Variants in GTF3C3 observed in about 807,000 individuals in gnomAD.
The protein encoded by GTF3C3 is general transcription factor IIIC subunit 3.
GTF3C3 carries 75 observed loss-of-function variants against 105.2 expected under a neutral mutation model. The observed-to-expected ratio is 0.71, with a 90% CI of 0.59 to 0.86. The LOEUF is 0.86. Ranked by LOEUF, GTF3C3 falls within the 40% of genes least tolerant of loss-of-function variation. GTF3C3 has a pLI of 0.00. For synonymous variants in GTF3C3, 335 were observed against 370.4 expected (o/e 0.90, Z 1.10); for missense variants, 856 against 1,076.5 (o/e 0.80, Z 2.87).
rs773405526 is a variant in GTF3C3 at position 196,793,036 on chromosome 2, C to A, written c.331G>T (p.Glu111Ter). Residue 111 changes from glutamate to a stop codon, truncating the protein, a stop_gained, in exon 3 of 18, where the codon GAA becomes TAA. Transcript: ENST00000263956. LOFTEE classifies it high-confidence loss of function. ...CCCGCAGTGGGTTGCTCAGGTGTTT[C>A]TTCCTCCTCCTCCTCCTCCTCCTCT... ...EEEEEEEEEE[E>*]TPEQPTAGDV... 3 of 1,613,344 alleles carry A rather than the reference C, an allele frequency of 1.9e-6. No individual in the cohort carries two copies. The highest frequency in any genetic ancestry group is 2.5e-6 in the Non-Finnish European group (3 of 1,179,410).
At chr2:196,789,164 A>T (rs1699503634) in intron 6 of GTF3C3, 40 bp downstream of exon 6, 1 of 1,504,864 alleles carries the variant, frequency 6.6e-7, no homozygotes, top group Non-Finnish European at 9.0e-7. Flanking sequence ...GCAAAACAAG[A>T]TTAACAGGAG....
chr2:196,780,735 T>TA (rs1699335586), intron 8 of GTF3C3, 73 bp from the exon 9 acceptor site: 1 of 1,515,054 alleles, frequency 6.6e-7, no homozygotes, highest in Non-Finnish European at 8.9e-7. Context: ...TAAGATCTCA[T>TA]TTATTTCATT....
chr2:196,768,415 TACTC>T (rs1406218369), intron 16 of GTF3C3, among the ~76,000 whole-genome samples: 2 of 152,162 alleles, frequency 1.3e-5, no homozygotes, highest in Admixed American at 1.3e-4. Context: ...GGGCCCAATG[TACTC>T]ACTGTCTATA....
rs1431294359 is a variant in GTF3C3, at chr2:196,780,290, T to TA, written c.1218+268dup. The TA allele has an allele frequency of 6.7e-6, 7 of 1,038,288 alleles. No homozygotes were observed. In the East Asian group the frequency reaches 3.3e-4, roughly 49 times the overall value. The allele number at this position is 1,038,288 out of a possible 1,614,324, so 64.3% of individuals were successfully genotyped here. A position where few individuals can be genotyped will look rare whatever the true frequency, so the allele number is the denominator to read the frequency against. On this transcript the variant is annotated intron_variant, in intron 9 of 17. Transcript: ENST00000263956. ...GCTGTCAGAATTATTACCAATTATC[T>TA]AATGACAATCTCAAATGGTCTAAAG...
chr2:196,797,336 T>C (rs952155819), intron 2 of GTF3C3, among the ~76,000 whole-genome samples: 3 of 152,228 alleles, frequency 2.0e-5, no homozygotes, highest in Non-Finnish European at 4.4e-5. Context: ...TGAGGTAGCC[T>C]ACCAAGACAC....
chr2:196,797,185 G>A (rs2125753328), intron 2 of GTF3C3, among the ~76,000 whole-genome samples: 1 of 152,310 alleles, frequency 6.6e-6, no homozygotes, highest in South Asian at 2.1e-4. Flanking sequence ...TCAGCATTCT[G>A]ATCCCTGGAA....
At chr2:196,788,110 C>A (rs1699483432) in intron 6 of GTF3C3, among the ~76,000 whole-genome samples, 3 of 152,170 alleles carry the variant, frequency 2.0e-5, no homozygotes, top group African/African-American at 7.2e-5. Context: ...CTGGGAAGAC[C>A]CTCAGTGCTC....
intron 8 of GTF3C3, among the ~76,000 whole-genome samples, chr2:196,783,303 A>C (rs1699399958): frequency 6.6e-6 from 1 of 152,012 alleles, no homozygotes; most frequent in Admixed American, 6.6e-5. Context: ...AGGGAAGTAA[A>C]ATATATTAAA....
At position 196,765,927 on chromosome 2, in the gene GTF3C3, G is replaced by A. The variant is rs551813538; in HGVS notation, c.2538+638C>T. ...CAGGAGGCTGAGGCAGGAGAATGGCGTGAACCCGGGAGGCGGAGCTTGCAG... is the reference window on the plus strand; with the variant it reads ...CAGGAGGCTGAGGCAGGAGAATGGCATGAACCCGGGAGGCGGAGCTTGCAG... On this transcript the variant is annotated intron_variant, in intron 17 of 17. Coordinates refer to ENST00000263956, the MANE Select transcript of GTF3C3 (RefSeq NM_012086.5). 1.7e-4 allele frequency among the ~76,000 whole-genome samples: 25 copies of A among 149,390 alleles called. No individual in the cohort carries two copies. The South Asian group carries it at 4.4e-3, about 26-fold the overall frequency.
At chr2:196,789,166 T>G in intron 6 of GTF3C3, 38 bp downstream of exon 6, 1 of 1,511,856 alleles carries the variant, frequency 6.6e-7, no homozygotes, top group Non-Finnish European at 9.0e-7. Context: ...AAAACAAGAT[T>G]AACAGGAGCA....
At chr2:196,777,027 A>T (rs1239758968) in intron 10 of GTF3C3, among the ~76,000 whole-genome samples, 1 of 152,242 alleles carries the variant, frequency 6.6e-6, no homozygotes, top group Admixed American at 6.5e-5. Context: ...CAGAGCACAC[A>T]ATCGGCAGAC....
At chr2:196,766,470 A>C (rs927132608) in intron 17 of GTF3C3, 95 bp downstream of exon 17, 1 of 872,666 alleles carries the variant, frequency 1.1e-6, no homozygotes, top group Non-Finnish European at 1.8e-6. Flanking sequence ...ATACATTTTA[A>C]TATACGAGCT....
rs1284594581 is a variant in GTF3C3, at chr2:196,784,958, T to C, written c.1042-29A>G. ...AAAGAATGGGAAAGAAGAAAGGAAA[T>C]AAAATATGTGTGAAAAACCATTTCA... On this transcript the variant is annotated intron_variant, in intron 7 of 17. Coordinates refer to ENST00000263956, the MANE Select transcript of GTF3C3 (RefSeq NM_012086.5). The C allele has an allele frequency of 4.9e-6, 7 of 1,432,620 alleles. No individual in the cohort carries two copies. The South Asian group carries it at 7.0e-5, about 14-fold the overall frequency. The allele number at this position is 1,432,620 out of a possible 1,614,324, so 88.7% of individuals were successfully genotyped here.
intron 14 of GTF3C3, 36 bp from the exon 15 acceptor site, chr2:196,771,974 T>C (rs766355883): frequency 7.1e-7 from 1 of 1,412,630 alleles, no homozygotes; most frequent in African/African-American, 1.4e-5. Context: ...GAGAAAATAA[T>C]GTAAAAATCT....
At chr2:196,767,782 G>A (rs1021937982) in intron 16 of GTF3C3, among the ~76,000 whole-genome samples, 1 of 152,126 alleles carries the variant, frequency 6.6e-6, no homozygotes, top group South Asian at 2.1e-4. Flanking sequence ...ATAAAAATAT[G>A]AGGAAAAAGG....
At position 196,763,950 on chromosome 2, in the gene GTF3C3, A is replaced by C. The variant is rs1347867049; in HGVS notation, c.*613T>G. The C allele has an allele frequency of 6.6e-6, 1 of 152,230 alleles. No individual in the cohort carries two copies. Among genetic ancestry groups the C allele is most frequent in the Non-Finnish European group, 1.5e-5 (1 of 68,030 alleles). 9.4% of individuals were successfully genotyped at this position (152,230 alleles called of 1,614,324 possible). ...TTTCATCAGAAAGCCACAAATATAG[A>C]TAAAGCATTTTTTTATTTGCCTTGG... On this transcript the variant is annotated 3_prime_UTR_variant, in exon 18 of 18. Transcript: ENST00000263956.
intron 8 of GTF3C3, 130 bp downstream of exon 8, chr2:196,784,727 C>T: frequency 8.8e-7 from 1 of 1,139,686 alleles, no homozygotes; most frequent in Non-Finnish European, 1.1e-6. Flanking sequence ...AAAAATGCTT[C>T]TTGGGAAAAC....
rs376717327 is a variant in GTF3C3, at chr2:196,793,166, C to T, written c.215-14G>A. ...CTGATGTTTCTCCTGAGAAAAGAGA[C>T]ATTGATGGGGGAGGGGTGGGGAAGC... On this transcript the variant is annotated splice_polypyrimidine_tract_variant and intron_variant, in intron 2 of 17. Coordinates refer to ENST00000263956, the MANE Select transcript of GTF3C3 (RefSeq NM_012086.5). 139 of 1,558,740 alleles carry T rather than the reference C, an allele frequency of 8.9e-5. No individual in the cohort carries two copies. In the African/African-American group the frequency reaches 1.8e-3, roughly 21 times the overall value.
rs1416123832 is a variant in GTF3C3, at chr2:196,779,078, A to G, written c.1219-11T>C. On this transcript the variant is annotated splice_polypyrimidine_tract_variant and intron_variant, in intron 9 of 17. Transcript: ENST00000263956. The stretch of plus-strand genomic sequence containing the variant: ...TGTTGTCAAGAGAGGCTAGACCACA[A>G]ATAAAAGCCCCAAGTTAAACATTCA... The G allele has an allele frequency of 1.2e-6, 2 of 1,609,296 alleles. No individual in the cohort carries two copies. Among genetic ancestry groups the G allele is most frequent in the East Asian group, 2.2e-5 (1 of 44,870 alleles).
Sources: allele counts gnomAD v4.1 joint callset (sites outside exome capture counted in the v4.1 genomes callset), GRCh38; gene constraint gnomAD v4.1.1; transcripts MANE v1.5; gene names NCBI Gene and HGNC (gene_info 2026-07-23, HGNC 2026-07-21).